Variants in FLYWCH2 observed in about 807,000 individuals in gnomAD.
The protein encoded by FLYWCH2 is FLYWCH family member 2.
A neutral mutation model predicts 6.0 loss-of-function variants in FLYWCH2; 2 were observed. That is an observed-to-expected ratio of 0.33 (90% confidence interval 0.14 to 1.04). The LOEUF is 1.04. FLYWCH2 is among the 50% of genes least tolerant of loss of function. The pLI, the probability that FLYWCH2 is intolerant of heterozygous loss-of-function variation, is 0.45. For synonymous variants in FLYWCH2, 87 were observed against 79.3 expected, an observed-to-expected ratio of 1.10 and a Z score of -0.52; for missense variants, 192 against 183.4, an observed-to-expected ratio of 1.05 and a Z score of -0.27.
Position 2,899,127 on chromosome 16 carries a change from T to G in FLYWCH2, c.401T>G (p.Val134Gly). 1 of 1,613,408 alleles carries G rather than the reference T, an allele frequency of 6.2e-7. No homozygotes were observed. Among genetic ancestry groups the G allele is most frequent in the Non-Finnish European group, 8.5e-7 (1 of 1,179,750 alleles). Reference protein sequence around the residue: ...AAGENFAPCSVAPGKSL With the variant: ...AAGENFAPCSGAPGKSL The stretch of plus-strand genomic sequence containing the variant: ...GGGGAGAACTTTGCCCCCTGCTCTG[T>G]GGCGCCCGGCAAGTCCCTGTAACCT... Residue 134 changes from valine (V) to glycine (G), a missense_variant, in exon 4 of 4, where the codon GTG becomes GGG. Coordinates refer to ENST00000396958, the MANE Select transcript of FLYWCH2 (RefSeq NM_138439.3).
intron 1 of FLYWCH2, among the ~76,000 whole-genome samples, chr16:2,892,821 C>G (rs1006995598): frequency 6.7e-6 from 1 of 149,690 alleles, no homozygotes; most frequent in African/African-American, 2.4e-5. Flanking sequence ...TCCAGCCTGG[C>G]GACAGAACCA....
chr16:2,884,570 A>AAAAAAAAAAAC (rs1281848146), intron 1 of FLYWCH2, among the ~76,000 whole-genome samples: 1 of 146,662 alleles, frequency 6.8e-6, no homozygotes, highest in Non-Finnish European at 1.5e-5. Context: ...AAAAAAAAAA[A>AAAAAAAAAAAC]AAAAAAATAC....
intron 3 of FLYWCH2, among the ~76,000 whole-genome samples, chr16:2,897,103 G>A (rs918870353): frequency 5.9e-5 from 9 of 152,204 alleles, no homozygotes; most frequent in African/African-American, 2.2e-4. Context: ...GCAGCTGTTC[G>A]ATGAGGGTCT....
At chr16:2,892,859 T>TTA (rs2069773443) in intron 1 of FLYWCH2, among the ~76,000 whole-genome samples, 2 of 142,726 alleles carry the variant, frequency 1.4e-5, no homozygotes, top group Non-Finnish European at 3.0e-5. Flanking sequence ...TAACTAAAAT[T>TTA]TATATATATT....
intron 1 of FLYWCH2, among the ~76,000 whole-genome samples, chr16:2,884,900 C>G (rs1053341994): frequency 6.6e-6 from 1 of 151,424 alleles, no homozygotes; most frequent in Admixed American, 6.6e-5. Flanking sequence ...AAAAAAACTC[C>G]GGGTGATTCT....
chr16:2,896,584 C>G lies in FLYWCH2; in HGVS notation c.135C>G (p.Leu45=), dbSNP rs2069822904. ...GAAAGTTCTCCAAACTGGTCCTGCT[C>G]ACAGCCTCCAAAGACAGCACCAAGG... ...KPRKFSKLVL[L]TASKDSTKVA... Residue 45 remains leucine (L), a synonymous_variant, in exon 3 of 4, where the codon CTC becomes CTG. Transcript: ENST00000396958. 6 of 1,614,190 alleles carry G rather than the reference C, an allele frequency of 3.7e-6. No homozygotes were observed. Among genetic ancestry groups the G allele is most frequent in the Non-Finnish European group, 5.1e-6 (6 of 1,180,022 alleles).
chr16:2,896,877 T>G, intron 3 of FLYWCH2, 106 bp downstream of exon 3: 2 of 1,098,508 alleles, frequency 1.8e-6, no homozygotes, highest in Non-Finnish European at 2.6e-6. Flanking sequence ...CGGGTCCTTG[T>G]TCCCTGACTT....
At chr16:2,892,773 G>C (rs368566852) in intron 1 of FLYWCH2, among the ~76,000 whole-genome samples, 2 of 151,282 alleles carry the variant, frequency 1.3e-5, no homozygotes, top group African/African-American at 2.4e-5. Context: ...GAACCCAGGA[G>C]GTGGAGGTTG....
intron 1 of FLYWCH2, among the ~76,000 whole-genome samples, chr16:2,892,917 A>AT (rs2069775216): frequency 6.8e-6 from 1 of 147,414 alleles, no homozygotes; most frequent in African/African-American, 2.5e-5. Flanking sequence ...AATATATATT[A>AT]TATATGTCAT....
intron 1 of FLYWCH2, among the ~76,000 whole-genome samples, chr16:2,890,080 C>G (rs538195923): frequency 7.9e-5 from 10 of 125,832 alleles, no homozygotes; most frequent in African/African-American, 2.8e-4. Context: ...GACCCTGTCT[C>G]TCAAAAAAAG....
chr16:2,888,650 G>A (rs1404637128), intron 1 of FLYWCH2, among the ~76,000 whole-genome samples: 3 of 152,016 alleles, frequency 2.0e-5, no homozygotes, highest in Non-Finnish European at 4.4e-5. Flanking sequence ...ATCTTCTTGG[G>A]GAACCTGAAG....
At chr16:2,886,961 C>A (rs1040414692) in intron 1 of FLYWCH2, among the ~76,000 whole-genome samples, 24 of 152,006 alleles carry the variant, frequency 1.6e-4, no homozygotes, top group African/African-American at 5.8e-4. Flanking sequence ...TCTTAACTTT[C>A]AAAAGTTTTA....
At chr16:2,890,709 A>T (rs1335756786) in intron 1 of FLYWCH2, among the ~76,000 whole-genome samples, 4 of 151,918 alleles carry the variant, frequency 2.6e-5, no homozygotes, top group Non-Finnish European at 5.9e-5. Context: ...GGCATGAGCC[A>T]CTGCGCCCAG....
At position 2,896,748 on chromosome 16, in the gene FLYWCH2, A is replaced by G; in HGVS notation, c.299A>G (p.Gln100Arg). The G allele has an allele frequency of 6.2e-7, 1 of 1,611,262 alleles. No individual in the cohort carries two copies. The highest frequency in any genetic ancestry group is 8.5e-7 in the Non-Finnish European group (1 of 1,179,820). Reference sequence around the variant, plus strand: ...GAGGCAGCCCCTCAGGAGCCTGAGCAGAAACGGAGCAGGCAGGACCCAGGT... The same window carrying G: ...GAGGCAGCCCCTCAGGAGCCTGAGCGGAAACGGAGCAGGCAGGACCCAGGT... Reference protein sequence around the residue: ...AIEAAPQEPEQKRSRQDPGTD... With the variant: ...AIEAAPQEPERKRSRQDPGTD... The change falls in exon 3 of 4, where the codon CAG becomes CGG. Residue 100 changes from glutamine to arginine, a missense_variant. Transcript: ENST00000396958.
intron 3 of FLYWCH2, among the ~76,000 whole-genome samples, chr16:2,898,196 G>T (rs139329531): frequency 6.6e-6 from 1 of 152,300 alleles, no homozygotes; most frequent in African/African-American, 2.4e-5. Flanking sequence ...GCAGCCACAG[G>T]CTTGGAGCTT....
Position 2,896,620 on chromosome 16 carries a change from C to G in FLYWCH2, c.171C>G (p.Ala57=). The G allele has an allele frequency of 3.1e-6, 5 of 1,614,034 alleles. No homozygotes were observed. The highest frequency in any genetic ancestry group is 3.4e-6 in the Non-Finnish European group (4 of 1,179,990). ...AAGACAGCACCAAGGTGGCGGGGGCCAAGCGCAAGGGTGTGCACTGTGTCA... is the reference window on the plus strand; with the variant it reads ...AAGACAGCACCAAGGTGGCGGGGGCGAAGCGCAAGGGTGTGCACTGTGTCA... ...ASKDSTKVAG[A]KRKGVHCVMS... Residue 57 remains alanine (A), a synonymous_variant, in exon 3 of 4, where the codon GCC becomes GCG. Coordinates refer to ENST00000396958, the MANE Select transcript of FLYWCH2 (RefSeq NM_138439.3).
At chr16:2,891,493 C>T (rs1454995259) in intron 1 of FLYWCH2, among the ~76,000 whole-genome samples, 1 of 152,158 alleles carries the variant, frequency 6.6e-6, no homozygotes, top group African/African-American at 2.4e-5. Context: ...CAAGCTCCGC[C>T]TCCCGGGTTC....
intron 1 of FLYWCH2, among the ~76,000 whole-genome samples, chr16:2,889,575 A>G: frequency 6.6e-6 from 1 of 151,866 alleles, no homozygotes; most frequent in East Asian, 1.9e-4. Context: ...AACCTGAAAA[A>G]GAGCAAAGTT....
chr16:2,889,134 G>T (rs79313249), intron 1 of FLYWCH2, among the ~76,000 whole-genome samples: 150 of 31,792 alleles, frequency 4.7e-3, no homozygotes, highest in Admixed American at 6.6e-3. Flanking sequence ...GTGTTTTTTT[G>T]TTGTTGTTGT....
Sources: allele counts gnomAD v4.1 joint callset (sites outside exome capture counted in the v4.1 genomes callset), GRCh38; gene constraint gnomAD v4.1.1; transcripts MANE v1.5; gene names NCBI Gene and HGNC (gene_info 2026-07-23, HGNC 2026-07-21).